Variants in WDFY3 observed in about 807,000 individuals in gnomAD.
WDFY3 encodes WD repeat and FYVE domain-containing protein 3.
In WDFY3, 66 loss-of-function variants were observed where a neutral mutation model predicts 409.6. That is an observed-to-expected ratio of 0.16 (90% confidence interval 0.13 to 0.20). The LOEUF is 0.20. WDFY3 is among the 10% of genes least tolerant of loss of function. The pLI, the probability that WDFY3 is intolerant of heterozygous loss-of-function variation, is 1.00. For synonymous variants in WDFY3, 1,521 were observed against 1,537.1 expected (o/e 0.99, Z 0.25); for missense variants, 3,031 against 4,298.1 (o/e 0.71, Z 8.24).
intron 8 of WDFY3, among the ~76,000 whole-genome samples, chr4:84,829,699 C>T (rs1382042519): frequency 2.0e-5 from 3 of 151,582 alleles, no homozygotes; most frequent in African/African-American, 2.4e-5. Flanking sequence ...CCCAGCTACT[C>T]GGGAGGCTGA....
chr4:84,853,443 G>T (rs1370759645), intron 4 of WDFY3, among the ~76,000 whole-genome samples: 3 of 152,160 alleles, frequency 2.0e-5, no homozygotes, highest in Non-Finnish European at 4.4e-5. Flanking sequence ...CAAAGTGCTG[G>T]GATTACAGGC....
At position 84,721,307 on chromosome 4, in the gene WDFY3, A is replaced by T; in HGVS notation, c.7605+102T>A. Reference sequence around the variant, plus strand: ...CTGCTTAAGCTGTATTTTATTACCGAGGCTAATGCATTTACTTTCCACAGC... The same window carrying T: ...CTGCTTAAGCTGTATTTTATTACCGTGGCTAATGCATTTACTTTCCACAGC... On this transcript the variant is annotated intron_variant, in intron 47 of 67. Coordinates refer to ENST00000295888, the MANE Select transcript of WDFY3 (RefSeq NM_014991.6). 6 of 1,457,938 alleles carry T rather than the reference A, an allele frequency of 4.1e-6. No homozygotes were observed. The South Asian group carries it at 8.0e-5, about 19-fold the overall frequency. The allele number at this position is 1,457,938 out of a possible 1,614,324, so 90.3% of individuals were successfully genotyped here. A position where few individuals can be genotyped will look rare whatever the true frequency, so the allele number is the denominator to read the frequency against.
rs1433864983 is a variant in WDFY3, at chr4:84,809,896, G to C, written c.2336C>G (p.Ser779Cys). The change falls in exon 14 of 68, where the codon TCT becomes TGT. Residue 779 changes from serine to cysteine, a missense_variant. Physicochemically the swap from Ser to Cys is moderately radical, Grantham distance 112. Coordinates refer to ENST00000295888, the MANE Select transcript of WDFY3 (RefSeq NM_014991.6). ...CAGAGCAGAGCCATACCTGTCAAAA[G>C]AATCTGTGGCTACTTTGTAAAGATA... ...FIYLYKVATDSFDSRAEQIPP... is the reference protein window; with the variant it reads ...FIYLYKVATDCFDSRAEQIPP... 3 of 1,613,674 alleles carry C rather than the reference G, an allele frequency of 1.9e-6. No individual in the cohort carries two copies. The highest frequency in any genetic ancestry group is 1.3e-5 in the African/African-American group (1 of 74,876).
intron 5 of WDFY3, 166 bp downstream of exon 5, chr4:84,849,736 G>T: frequency 1.1e-6 from 1 of 928,834 alleles, no homozygotes; most frequent in Non-Finnish European, 1.5e-6. Context: ...AGTTGAAGAT[G>T]CTGAAACCAG....
rs1745258890 is a variant in WDFY3 at position 84,774,747 on chromosome 4, T to C, written c.4754+73A>G. On this transcript the variant is annotated intron_variant, in intron 29 of 67. Transcript: ENST00000295888. Reference sequence around the variant, plus strand: ...TACACAGTCATAAAAACCAATTAAATTCATCTCATCCATCTTAACCTCATT... The same window carrying C: ...TACACAGTCATAAAAACCAATTAAACTCATCTCATCCATCTTAACCTCATT... The C allele has an allele frequency of 5.4e-6, 8 of 1,468,488 alleles. No individual in the cohort carries two copies. In the South Asian group the frequency reaches 1.1e-4, roughly 20 times the overall value. The allele number at this position is 1,468,488 out of a possible 1,614,324, so 91.0% of individuals were successfully genotyped here.
At chr4:84,726,968 CAAAAAT>C in intron 44 of WDFY3, 57 bp from the exon 45 acceptor site, 6 of 1,491,716 alleles carry the variant, frequency 4.0e-6, no homozygotes, top group Non-Finnish European at 5.4e-6. Context: ...AAGAGGAACA[CAAAAAT>C]AAAATTTTTC....
At chr4:84,807,681 T>C (rs899423535) in intron 15 of WDFY3, among the ~76,000 whole-genome samples, 4 of 152,204 alleles carry the variant, frequency 2.6e-5, no homozygotes, top group Non-Finnish European at 4.4e-5. Flanking sequence ...CAATCAACTG[T>C]AGTTTTTAAA....
chr4:84,855,824 C>T (rs1759686001), intron 4 of WDFY3, among the ~76,000 whole-genome samples: 2 of 152,020 alleles, frequency 1.3e-5, no homozygotes, highest in Admixed American at 6.6e-5. Context: ...TTATCTTATG[C>T]TCTTTTTGTT....
intron 58 of WDFY3, among the ~76,000 whole-genome samples, chr4:84,695,525 G>GAGAC (rs1313409363): frequency 1.3e-5 from 2 of 150,390 alleles, no homozygotes; most frequent in Admixed American, 1.3e-4. Context: ...GAGAGAGAGA[G>GAGAC]AGAGAGAGAG....
intron 3 of WDFY3, among the ~76,000 whole-genome samples, chr4:84,889,855 C>T (rs140673025): frequency 6.6e-5 from 10 of 152,112 alleles, no homozygotes; most frequent in African/African-American, 2.4e-4. Context: ...CAACCAATGA[C>T]TGAATTGGAA....
At position 84,773,031 on chromosome 4, in the gene WDFY3, A is replaced by G; in HGVS notation, c.4755-102T>C. 3 of 853,406 alleles carry G rather than the reference A, an allele frequency of 3.5e-6. No homozygotes were observed. The East Asian group carries it at 9.8e-5, about 28-fold the overall frequency. The allele number at this position is 853,406 out of a possible 1,614,324, so 52.9% of individuals were successfully genotyped here. ...AAATACAAAGAATAAAAACCAAAAC[A>G]GTACTTTTTTTTTTTTTCATAATCT... On this transcript the variant is annotated intron_variant, in intron 29 of 67. Coordinates refer to ENST00000295888, the MANE Select transcript of WDFY3 (RefSeq NM_014991.6).
At chr4:84,676,735 A>G (rs958822780) in intron 67 of WDFY3, among the ~76,000 whole-genome samples, 4 of 152,226 alleles carry the variant, frequency 2.6e-5, no homozygotes, top group African/African-American at 9.6e-5. Flanking sequence ...AATGTTGAGT[A>G]AGAAAGTTAC....
At chr4:84,765,738 T>G in intron 32 of WDFY3, 72 bp downstream of exon 32, 2 of 1,335,676 alleles carry the variant, frequency 1.5e-6, no homozygotes, top group Non-Finnish European at 2.1e-6. Flanking sequence ...AGAGGATAAG[T>G]TTACATAAAA....
At chr4:84,788,386 T>A (rs1262677049) in intron 22 of WDFY3, among the ~76,000 whole-genome samples, 1 of 152,210 alleles carries the variant, frequency 6.6e-6, no homozygotes, top group Admixed American at 6.5e-5. Flanking sequence ...CACAGTACTG[T>A]GACTATTGAC....
At chr4:84,759,186 T>C (rs555100332) in intron 32 of WDFY3, among the ~76,000 whole-genome samples, 4 of 152,166 alleles carry the variant, frequency 2.6e-5, no homozygotes, top group Admixed American at 2.6e-4. Flanking sequence ...CACCAGTACC[T>C]TGCTGTTTTG....
intron 3 of WDFY3, among the ~76,000 whole-genome samples, chr4:84,878,689 C>A (rs1336386085): frequency 2.0e-5 from 3 of 152,150 alleles, no homozygotes; most frequent in African/African-American, 7.2e-5. Flanking sequence ...GCTTTAAGAG[C>A]ATTTTGTAAG....
At chr4:84,707,308 A>C (rs1732135693) in intron 53 of WDFY3, among the ~76,000 whole-genome samples, 1 of 152,138 alleles carries the variant, frequency 6.6e-6, no homozygotes, top group African/African-American at 2.4e-5. Flanking sequence ...CACTGAAGGA[A>C]GGAGAGACTA....
At chr4:84,712,278 C>T (rs919103685) in intron 51 of WDFY3, among the ~76,000 whole-genome samples, 1 of 150,120 alleles carries the variant, frequency 6.7e-6, no homozygotes, top group African/African-American at 2.5e-5. Context: ...CTGAGAATCG[C>T]TTGAGCCCAG....
At chr4:84,769,838 T>C (rs1744345828) in intron 30 of WDFY3, among the ~76,000 whole-genome samples, 1 of 152,158 alleles carries the variant, frequency 6.6e-6, no homozygotes, top group South Asian at 2.1e-4. Flanking sequence ...AGCATGTCCA[T>C]CACCTGAAAC....
Sources: gnomAD v4.1 joint callset for allele counts (sites outside exome capture counted in the v4.1 genomes callset) on GRCh38, gnomAD v4.1.1 for gene constraint, MANE v1.5 for transcripts, NCBI Gene and HGNC (gene_info 2026-07-23, HGNC 2026-07-21) for gene names.